MAF: variants seen among roughly 807,000 people sequenced by gnomAD.
The protein encoded by MAF is MAF bZIP transcription factor.
MAF carries 10 observed loss-of-function variants against 22.0 expected under a neutral mutation model. That is an observed-to-expected ratio of 0.45 (90% CI 0.28 to 0.77). The LOEUF is 0.77. Ranked by LOEUF, MAF falls within the 30% of genes least tolerant of loss-of-function variation. The pLI is 0.12. For synonymous variants in MAF, 337 were observed against 255.8 expected (o/e 1.32, Z -3.03); for missense variants, 544 against 548.4 (o/e 0.99, Z 0.08).
chr16:79,543,532 G>A, the MAF span, among the ~76,000 whole-genome samples: 1 of 152,316 alleles, frequency 6.6e-6, no homozygotes, highest in East Asian at 1.9e-4. Context: ...TTTGCGGGCA[G>A]GACAGACGCG....
chr16:79,579,437 C>G, the MAF span, among the ~76,000 whole-genome samples: 2 of 152,116 alleles, frequency 1.3e-5, no homozygotes, highest in African/African-American at 4.8e-5. Context: ...AGCCTCATTA[C>G]TATATTTTTT....
chr16:79,351,835 A>G, the MAF span, among the ~76,000 whole-genome samples: 1 of 152,128 alleles, frequency 6.6e-6, no homozygotes, highest in Non-Finnish European at 1.5e-5. Flanking sequence ...TTGCTGGGAA[A>G]TGTGGCAGCT....
chr16:79,597,702 G>C (rs1597845272), intron 1 of MAF: 1 of 1,018,918 alleles, frequency 9.8e-7, no homozygotes, highest in South Asian at 4.6e-5. Context: ...TAAAACAAAA[G>C]TATGAATGCC....
chr16:79,215,264 C>T, the MAF span, among the ~76,000 whole-genome samples: 65,718 of 151,888 alleles, frequency 0.43, 15,754 homozygotes, highest in Non-Finnish European at 0.56. Context: ...TCCTTTTAAA[C>T]AGAGATGGGG....
chr16:79,576,560 T>C, the MAF span, among the ~76,000 whole-genome samples: 1 of 152,264 alleles, frequency 6.6e-6, no homozygotes, highest in East Asian at 1.9e-4. Context: ...ATTTTTTTTT[T>C]TCAGAGGAGG....
At chr16:79,214,662 C>T in the MAF span, among the ~76,000 whole-genome samples, 86 of 150,208 alleles carry the variant, frequency 5.7e-4, no homozygotes, top group Middle Eastern at 0.011. Flanking sequence ...TCCTCAGCCT[C>T]CCAAAGTGCT....
At chr16:79,361,625 A>C in the MAF span, among the ~76,000 whole-genome samples, 1 of 152,112 alleles carries the variant, frequency 6.6e-6, no homozygotes, top group East Asian at 1.9e-4. Flanking sequence ...GCCCATAGCT[A>C]TTTTTAAAGG....
the MAF span, among the ~76,000 whole-genome samples, chr16:79,267,099 G>A: frequency 6.6e-6 from 1 of 152,198 alleles, no homozygotes; most frequent in South Asian, 2.1e-4. Flanking sequence ...ACACTATAAA[G>A]TCAGGATAGC....
At chr16:79,547,608 G>T in the MAF span, among the ~76,000 whole-genome samples, 3 of 152,052 alleles carry the variant, frequency 2.0e-5, no homozygotes, top group African/African-American at 7.2e-5. Context: ...TTGCTATATA[G>T]ATGCAACAAA....
At chr16:79,312,854 A>G in the MAF span, among the ~76,000 whole-genome samples, 2 of 152,116 alleles carry the variant, frequency 1.3e-5, no homozygotes, top group African/African-American at 4.8e-5. Context: ...TTGCAAGTTT[A>G]CTTACTCTGC....
chr16:79,497,013 A>G, the MAF span, among the ~76,000 whole-genome samples: 494 of 152,296 alleles, frequency 3.2e-3, 4 homozygotes, highest in African/African-American at 0.011. Flanking sequence ...TATATGATCA[A>G]ATAAAAGCTT....
the MAF span, among the ~76,000 whole-genome samples, chr16:79,230,033 C>T: frequency 6.6e-6 from 1 of 152,010 alleles, no homozygotes; most frequent in Admixed American, 6.6e-5. Context: ...TACACTGAAT[C>T]CTTCATTCTT....
chr16:79,549,745 C>G, the MAF span, among the ~76,000 whole-genome samples: 14 of 152,302 alleles, frequency 9.2e-5, no homozygotes, highest in East Asian at 1.5e-3. Context: ...TGAGTCTCCT[C>G]CTCCTAGCAG....
At chr16:79,414,749 G>C in the MAF span, among the ~76,000 whole-genome samples, 1 of 151,978 alleles carries the variant, frequency 6.6e-6, no homozygotes, top group African/African-American at 2.4e-5. Flanking sequence ...ATGGAGTTTT[G>C]TTAATCAGGA....
the MAF span, among the ~76,000 whole-genome samples, chr16:79,221,471 A>C: frequency 6.6e-6 from 1 of 152,242 alleles, no homozygotes; most frequent in Non-Finnish European, 1.5e-5. Flanking sequence ...CATGAAAAAA[A>C]TGAACACTCA....
At chr16:79,227,337 G>A in the MAF span, among the ~76,000 whole-genome samples, 20 of 152,140 alleles carry the variant, frequency 1.3e-4, no homozygotes, top group East Asian at 2.5e-3. Context: ...GGGGACAGAA[G>A]GATACCCTGT....
chr16:79,498,923 T>A, the MAF span, among the ~76,000 whole-genome samples: 1 of 151,948 alleles, frequency 6.6e-6, no homozygotes, highest in African/African-American at 2.4e-5. Flanking sequence ...CTTAGGAGAG[T>A]CTAGTGGGCA....
the MAF span, among the ~76,000 whole-genome samples, chr16:79,340,627 T>G: frequency 6.6e-6 from 1 of 151,844 alleles, no homozygotes; most frequent in African/African-American, 2.4e-5. Context: ...CAGACAACTT[T>G]ATATGCAAAT....
chr16:79,370,134 C>T, the MAF span, among the ~76,000 whole-genome samples: 1 of 152,078 alleles, frequency 6.6e-6, no homozygotes, highest in Non-Finnish European at 1.5e-5. Flanking sequence ...CCCCAGGAGG[C>T]TAATTGGCTA....
Sources: allele counts gnomAD v4.1 joint callset (sites outside exome capture counted in the v4.1 genomes callset), GRCh38; gene constraint gnomAD v4.1.1; transcripts MANE v1.5; gene names NCBI Gene and HGNC (gene_info 2026-07-23, HGNC 2026-07-21).